Variants in PDZRN4 observed in about 807,000 individuals in gnomAD.
The protein encoded by PDZRN4 is PDZ domain-containing RING finger protein 4.
A neutral mutation model predicts 99.0 loss-of-function variants in PDZRN4; 70 were observed. The observed-to-expected ratio is 0.71, with a 90% CI of 0.58 to 0.86. The LOEUF is 0.86. Among genes scored for constraint, PDZRN4 ranks in the 40% least tolerant of loss-of-function variants. PDZRN4 has a pLI of 0.00. For synonymous variants in PDZRN4, 551 were observed against 501.6 expected, an observed-to-expected ratio of 1.10 and a Z score of -1.32; for missense variants, 1,474 against 1,331.2, an observed-to-expected ratio of 1.11 and a Z score of -1.67.
intron 5 of PDZRN4, among the ~76,000 whole-genome samples, chr12:41,519,379 G>A (rs1938454379): frequency 6.6e-6 from 1 of 152,042 alleles, no homozygotes; most frequent in South Asian, 2.1e-4. Context: ...AAGTGGCACA[G>A]ACCAGAAAGC....
At chr12:41,346,476 A>T (rs1272521879) in intron 3 of PDZRN4, among the ~76,000 whole-genome samples, 1 of 151,990 alleles carries the variant, frequency 6.6e-6, no homozygotes, top group Non-Finnish European at 1.5e-5. Flanking sequence ...AATAAAAATA[A>T]AATAAAATAA....
chr12:41,262,145 C>G (rs905873813), intron 3 of PDZRN4, among the ~76,000 whole-genome samples: 1 of 152,212 alleles, frequency 6.6e-6, no homozygotes, highest in Non-Finnish European at 1.5e-5. Context: ...CCTAAATTAG[C>G]GTCTTCTCCA....
chr12:41,283,504 C>G (rs1255891268), intron 3 of PDZRN4, among the ~76,000 whole-genome samples: 1 of 152,204 alleles, frequency 6.6e-6, no homozygotes, highest in Non-Finnish European at 1.5e-5. Flanking sequence ...CTCCCTAACT[C>G]ATTTGATGAG....
At chr12:41,516,739 GTCTTGATGTATGGC>G (rs1407816692) in intron 5 of PDZRN4, among the ~76,000 whole-genome samples, 1 of 151,668 alleles carries the variant, frequency 6.6e-6, no homozygotes, top group Non-Finnish European at 1.5e-5. Flanking sequence ...GCCCTAAACA[GTCTTGATGTATGGC>G]TCATTATGAA....
intron 3 of PDZRN4, among the ~76,000 whole-genome samples, chr12:41,194,596 G>C (rs1273345394): frequency 2.0e-5 from 3 of 152,202 alleles, no homozygotes; most frequent in African/African-American, 4.8e-5. Flanking sequence ...GTGGTGAGCT[G>C]TGTGTAGGCC....
In PDZRN4 at chr12:41,573,691, T is replaced by C; in HGVS notation, c.2912T>C (p.Leu971Pro). 6.2e-7 allele frequency: 1 copy of C among 1,613,858 alleles called. No homozygotes were observed. The highest frequency in any genetic ancestry group is 8.5e-7 in the Non-Finnish European group (1 of 1,179,948). ...ATGATGCGAAGCAGGTTAGAGTGTC[T>C]CAAGGAGAGCCCTCAGAGCGGCAGT... ...EFMMRSRLEC[L>P]KESPQSGSEG... is the part of the protein sequence containing the mutation. Residue 971 changes from leucine (L) to proline (P), a missense_variant, in exon 10 of 10, where the codon CTC becomes CCC. Coordinates refer to ENST00000402685, the MANE Select transcript of PDZRN4 (RefSeq NM_001164595.2).
At chr12:41,222,940 G>C (rs1591974393) in intron 3 of PDZRN4, among the ~76,000 whole-genome samples, 1 of 152,076 alleles carries the variant, frequency 6.6e-6, no homozygotes, top group South Asian at 2.1e-4. Flanking sequence ...TCTTACCTTG[G>C]CTAGAACTAC....
chr12:41,256,301 T>C (rs147491913), intron 3 of PDZRN4, among the ~76,000 whole-genome samples: 10 of 152,108 alleles, frequency 6.6e-5, no homozygotes, highest in Admixed American at 6.5e-4. Context: ...TATCTCAGAG[T>C]CAAATTTTGA....
intron 3 of PDZRN4, among the ~76,000 whole-genome samples, chr12:41,224,183 C>T (rs1365260147): frequency 2.0e-5 from 3 of 152,198 alleles, no homozygotes; most frequent in Non-Finnish European, 2.9e-5. Flanking sequence ...TTAATGAAAG[C>T]TCACTACTTG....
chr12:41,409,758 G>A (rs116826649), intron 3 of PDZRN4: 1 of 152,144 alleles, frequency 6.6e-6, no homozygotes. Context: ...CGCTTTGAAG[G>A]TCAGCCAACT....
At chr12:41,260,338 C>T (rs868115795) in intron 3 of PDZRN4, among the ~76,000 whole-genome samples, 3 of 152,014 alleles carry the variant, frequency 2.0e-5, no homozygotes, top group Non-Finnish European at 4.4e-5. Flanking sequence ...GGAGTGTCCA[C>T]TAAACAAAGG....
At chr12:41,381,264 C>G (rs956276828) in intron 3 of PDZRN4, among the ~76,000 whole-genome samples, 2 of 151,974 alleles carry the variant, frequency 1.3e-5, no homozygotes, top group African/African-American at 4.8e-5. Context: ...CATTTCTCAC[C>G]CCAAATTTGG....
chr12:41,328,558 G>T (rs756223598), intron 3 of PDZRN4, among the ~76,000 whole-genome samples: 20 of 152,142 alleles, frequency 1.3e-4, no homozygotes, highest in Non-Finnish European at 2.4e-4. Context: ...AGATTTGGCA[G>T]GTTTGTTTAT....
chr12:41,300,213 T>C (rs1250020498), intron 3 of PDZRN4, among the ~76,000 whole-genome samples: 1 of 151,978 alleles, frequency 6.6e-6, no homozygotes, highest in African/African-American at 2.4e-5. Context: ...TCTTTTAATA[T>C]ACATTTACTT....
chr12:41,240,160 A>T (rs746925702), intron 3 of PDZRN4, among the ~76,000 whole-genome samples: 1 of 152,158 alleles, frequency 6.6e-6, no homozygotes, highest in South Asian at 2.1e-4. Flanking sequence ...TTATAATTGA[A>T]TTTACATTAA....
intron 3 of PDZRN4, among the ~76,000 whole-genome samples, chr12:41,267,066 G>A (rs569827818): frequency 3.3e-5 from 5 of 151,902 alleles, no homozygotes; most frequent in South Asian, 4.2e-4. Flanking sequence ...TTTTTTTCAC[G>A]GGCTCTACAA....
chr12:41,318,057 G>C (rs879679010), intron 3 of PDZRN4, among the ~76,000 whole-genome samples: 5 of 152,010 alleles, frequency 3.3e-5, no homozygotes, highest in Admixed American at 1.3e-4. Flanking sequence ...ACTCATTAAT[G>C]TACTTTTCAT....
intron 3 of PDZRN4, among the ~76,000 whole-genome samples, chr12:41,357,531 G>C (rs141190473): frequency 2.6e-5 from 4 of 151,884 alleles, no homozygotes; most frequent in Non-Finnish European, 4.4e-5. Flanking sequence ...TGAACACAAT[G>C]AGCATGGTCC....
chr12:41,198,759 GTAA>G (rs3042297), intron 3 of PDZRN4, among the ~76,000 whole-genome samples: 5 of 151,430 alleles, frequency 3.3e-5, no homozygotes, highest in Non-Finnish European at 5.9e-5. Flanking sequence ...TTAAAGTATA[GTAA>G]TAATAATAAT....
Sources: allele counts gnomAD v4.1 joint callset (sites outside exome capture counted in the v4.1 genomes callset), GRCh38; gene constraint gnomAD v4.1.1; transcripts MANE v1.5; gene names NCBI Gene and HGNC (gene_info 2026-07-23, HGNC 2026-07-21).